The following IQCM variants were observed in gnomAD, a reference collection of about 807,000 sequenced individuals.
The protein encoded by IQCM is IQ motif containing M.
A neutral mutation model predicts 57.6 loss-of-function variants in IQCM; 45 were observed. The ratio of observed to expected loss-of-function variants is 0.78; its 90% CI spans 0.62 to 1.00. IQCM has a LOEUF of 1.00. Ranked by LOEUF, IQCM falls within the 50% of genes least tolerant of loss-of-function variation. The probability of loss-of-function intolerance (pLI) is 0.00; values close to 1 mark genes in which losing one functional copy is unlikely to be tolerated. For synonymous variants in IQCM, 148 were observed against 158.9 expected (o/e 0.93, Z 0.51); for missense variants, 468 against 511.6 (o/e 0.91, Z 0.82).
At chr4:149,622,768 C>A (rs1459812588) in intron 7 of IQCM, among the ~76,000 whole-genome samples, 3 of 152,068 alleles carry the variant, frequency 2.0e-5, no homozygotes, top group Non-Finnish European at 4.4e-5. Flanking sequence ...TCTTATGAAG[C>A]CCTCTTAACG....
chr4:149,386,887 T>C (rs946708580), intron 13 of IQCM, among the ~76,000 whole-genome samples: 5 of 152,076 alleles, frequency 3.3e-5, no homozygotes, highest in South Asian at 4.1e-4. Flanking sequence ...AAGGTTTTAA[T>C]AGGTTCAGAT....
chr4:149,543,744 T>TA (rs1271733724), intron 12 of IQCM, among the ~76,000 whole-genome samples: 1 of 25,678 alleles, frequency 3.9e-5, no homozygotes, highest in African/African-American at 1.4e-4. Flanking sequence ...ATAATAGAAA[T>TA]AAAAAAAGTG....
chr4:149,543,286 A>C (rs1343164443), intron 12 of IQCM, among the ~76,000 whole-genome samples: 1 of 152,090 alleles, frequency 6.6e-6, no homozygotes, highest in Non-Finnish European at 1.5e-5. Context: ...TGAAACTGAT[A>C]AGTATTGTTA....
chr4:149,730,307 C>A (rs1481773191), intron 5 of IQCM, among the ~76,000 whole-genome samples: 1 of 152,204 alleles, frequency 6.6e-6, no homozygotes, highest in Non-Finnish European at 1.5e-5. Flanking sequence ...TTTAAGTTGT[C>A]TTTCCCCGTG....
At chr4:149,514,805 AAT>A (rs1744772707) in intron 12 of IQCM, 1 of 152,222 alleles carries the variant, frequency 6.6e-6, no homozygotes, top group African/African-American at 2.4e-5. Context: ...ATTCACCCTT[AAT>A]CTGGGTGGGC....
At chr4:149,752,407 C>T (rs1768537062) in intron 2 of IQCM, among the ~76,000 whole-genome samples, 1 of 151,882 alleles carries the variant, frequency 6.6e-6, no homozygotes, top group Non-Finnish European at 1.5e-5. Context: ...CAAAAATTAG[C>T]CAGGCATGGT....
At chr4:149,675,710 G>A (rs142039351) in intron 7 of IQCM, among the ~76,000 whole-genome samples, 50 of 152,084 alleles carry the variant, frequency 3.3e-4, no homozygotes, top group East Asian at 2.1e-3. Context: ...AATGAGATCC[G>A]TCTTAAGAGT....
At chr4:149,724,417 T>C (rs889183210) in intron 5 of IQCM, among the ~76,000 whole-genome samples, 3 of 151,950 alleles carry the variant, frequency 2.0e-5, no homozygotes, top group African/African-American at 7.2e-5. Context: ...ATTTTATATA[T>C]AAAGGAAAAG....
At chr4:149,613,824 G>GT (rs1351299675) in intron 8 of IQCM, among the ~76,000 whole-genome samples, 5 of 152,088 alleles carry the variant, frequency 3.3e-5, no homozygotes, top group South Asian at 2.1e-4. Flanking sequence ...GCGGTGTTTG[G>GT]TTTTTTGTCC....
At chr4:149,801,676 G>T (rs1773617237) in intron 2 of IQCM, among the ~76,000 whole-genome samples, 2 of 151,826 alleles carry the variant, frequency 1.3e-5, no homozygotes. Context: ...CTTATTTGTG[G>T]TATCTAAAAA....
chr4:149,798,586 G>A (rs935614290), intron 2 of IQCM, among the ~76,000 whole-genome samples: 1 of 151,914 alleles, frequency 6.6e-6, no homozygotes, highest in Non-Finnish European at 1.5e-5. Context: ...CCCATTATCT[G>A]TTGCCTACAA....
intron 2 of IQCM, among the ~76,000 whole-genome samples, chr4:149,787,815 A>G (rs776666688): frequency 6.6e-6 from 1 of 152,186 alleles, no homozygotes; most frequent in African/African-American, 2.4e-5. Flanking sequence ...CAGGCAACAA[A>G]ATAAAAAGTA....
chr4:149,619,127 T>C (rs935740529), intron 8 of IQCM, among the ~76,000 whole-genome samples: 2 of 147,132 alleles, frequency 1.4e-5, no homozygotes, highest in South Asian at 2.1e-4. Flanking sequence ...TATATATATA[T>C]ATATACACCA....
chr4:149,354,016 T>C lies in IQCM; in HGVS notation c.1391-1950A>G, dbSNP rs557099555. Among the ~76,000 whole-genome samples, 5 of 152,278 alleles carry C rather than the reference T, an allele frequency of 3.3e-5. No homozygotes were observed. The East Asian group carries it at 7.7e-4, about 24-fold the overall frequency. On this transcript the variant is annotated intron_variant, in intron 13 of 13. Coordinates refer to ENST00000636793, the MANE Select transcript of IQCM (RefSeq NM_001363507.2). ...GTAACTATTTTACTATTTATATGTATCCCATTACATCATGTTGCTTACTTT... is the reference window on the plus strand; with the variant it reads ...GTAACTATTTTACTATTTATATGTACCCCATTACATCATGTTGCTTACTTT...
chr4:149,584,951 C>T (rs1752519484), intron 9 of IQCM, among the ~76,000 whole-genome samples: 1 of 151,648 alleles, frequency 6.6e-6, no homozygotes. Flanking sequence ...CTTAACTTCC[C>T]CACTCCCACC....
chr4:149,434,793 G>C (rs1208607433), intron 12 of IQCM, among the ~76,000 whole-genome samples: 2 of 152,018 alleles, frequency 1.3e-5, no homozygotes, highest in Non-Finnish European at 2.9e-5. Context: ...GATCTGGTGG[G>C]TCTCTCAGAA....
intron 7 of IQCM, among the ~76,000 whole-genome samples, chr4:149,647,170 G>T (rs1398401273): frequency 6.6e-6 from 1 of 152,004 alleles, no homozygotes; most frequent in Non-Finnish European, 1.5e-5. Context: ...ACTAAAAAAT[G>T]CATACATAAA....
rs1055907919 is a variant in IQCM at position 149,815,343 on chromosome 4, T to G, written c.-81A>C. The G allele has an allele frequency of 6.6e-6, 1 of 151,918 alleles. No individual in the cohort carries two copies. The highest frequency in any genetic ancestry group is 2.4e-5 in the African/African-American group (1 of 41,414). 9.4% of individuals were successfully genotyped at this position (151,918 alleles called of 1,614,324 possible). ...TTTTTCATTCCAAGGTCATTTGTTC[T>G]TCTTCCTAGAAGGCACAGGAGAGTT... is the stretch of plus-strand genomic sequence containing the variant. On this transcript the variant is annotated 5_prime_UTR_variant, in exon 2 of 14. Coordinates refer to ENST00000636793, the MANE Select transcript of IQCM (RefSeq NM_001363507.2).
At chr4:149,499,214 T>C (rs1235464151) in intron 12 of IQCM, among the ~76,000 whole-genome samples, 1 of 152,138 alleles carries the variant, frequency 6.6e-6, no homozygotes, top group Admixed American at 6.6e-5. Flanking sequence ...TGGGAGGATG[T>C]TATGCAGAGA....
Sources: gnomAD v4.1 joint callset for allele counts (sites outside exome capture counted in the v4.1 genomes callset) on GRCh38, gnomAD v4.1.1 for gene constraint, MANE v1.5 for transcripts, NCBI Gene and HGNC (gene_info 2026-07-23, HGNC 2026-07-21) for gene names.